Variants in CPE observed in about 807,000 individuals in gnomAD.
CPE encodes the protein carboxypeptidase E.
A neutral mutation model predicts 53.5 loss-of-function variants in CPE; 17 were observed. That is an observed-to-expected ratio of 0.32 (90% CI 0.22 to 0.48). The LOEUF (loss-of-function observed/expected upper bound fraction) is 0.48. Ranked by LOEUF, CPE falls within the 20% of genes least tolerant of loss-of-function variation. The pLI is 0.99. For synonymous variants in CPE, 226 were observed against 228.8 expected (o/e 0.99, Z 0.11); for missense variants, 524 against 614.7 (o/e 0.85, Z 1.56).
chr4:165,497,455 C>A, intron 8 of CPE, 57 bp from the exon 9 acceptor site: 1 of 996,354 alleles, frequency 1.0e-6, no homozygotes. Context: ...TTTTTTATTT[C>A]AATTTAAAAA....
At chr4:165,494,066 A>G (rs1237282298) in intron 7 of CPE, among the ~76,000 whole-genome samples, 2 of 152,018 alleles carry the variant, frequency 1.3e-5, no homozygotes, top group African/African-American at 2.4e-5. Context: ...TAACCTTCAC[A>G]TTTATAGCTT....
rs145064291 is a variant in CPE at position 165,402,762 on chromosome 4, A to C, written c.307+23234A>C. Among the ~76,000 whole-genome samples the C allele has an allele frequency of 6.6e-5, 10 of 152,372 alleles. No homozygotes were observed. The East Asian group carries it at 1.9e-3, about 29-fold the overall frequency. On this transcript the variant is annotated intron_variant, in intron 1 of 8. Coordinates refer to ENST00000402744, the MANE Select transcript of CPE (RefSeq NM_001873.4). Reference sequence around the variant, plus strand: ...TACTCAGTCTCCGGTATTTCTTTATAGTAATTCAAGAATGGCCTAATGCAC... The same window carrying C: ...TACTCAGTCTCCGGTATTTCTTTATCGTAATTCAAGAATGGCCTAATGCAC...
At chr4:165,466,091 T>A (rs1173123628) in intron 2 of CPE, among the ~76,000 whole-genome samples, 1 of 152,142 alleles carries the variant, frequency 6.6e-6, no homozygotes, top group Admixed American at 6.6e-5. Flanking sequence ...CAATGTTGGG[T>A]GATTTTGTCA....
chr4:165,397,697 C>T (rs536678977), intron 1 of CPE, among the ~76,000 whole-genome samples: 2 of 152,086 alleles, frequency 1.3e-5, no homozygotes, highest in East Asian at 3.9e-4. Flanking sequence ...GGATTATCTC[C>T]CTTTTATAGG....
intron 5 of CPE, among the ~76,000 whole-genome samples, chr4:165,485,451 T>C (rs182954801): frequency 2.0e-5 from 3 of 152,320 alleles, no homozygotes; most frequent in Admixed American, 2.0e-4. Flanking sequence ...ATATTCTTTC[T>C]GATTTTTTTC....
rs972587357 is a variant in CPE at position 165,474,806 on chromosome 4, A to G, written c.672+6951A>G. Among the ~76,000 whole-genome samples the G allele has an allele frequency of 7.9e-5, 12 of 152,300 alleles. No individual in the cohort carries two copies. The East Asian group carries it at 9.7e-4, about 12-fold the overall frequency. ...TGGGCTGGCCTATGTCCTTGTCTCC[A>G]TGACATTATGGTGACTCTCACTCAG... On this transcript the variant is annotated intron_variant, in intron 3 of 8. Transcript: ENST00000402744.
At chr4:165,407,858 A>G (rs1309200054) in intron 1 of CPE, among the ~76,000 whole-genome samples, 2 of 134,874 alleles carry the variant, frequency 1.5e-5, no homozygotes, top group Non-Finnish European at 3.2e-5. Flanking sequence ...GCCCGACCCA[A>G]CTTTTTTTTT....
intron 7 of CPE, 44 bp from the exon 8 acceptor site, chr4:165,495,515 C>A: frequency 7.7e-7 from 1 of 1,298,554 alleles, no homozygotes; most frequent in Non-Finnish European, 1.1e-6. Flanking sequence ...TGTAATTCTG[C>A]ATATTTCATG....
chr4:165,404,020 G>A (rs1305875616), intron 1 of CPE: 2 of 798,782 alleles, frequency 2.5e-6, no homozygotes, highest in Admixed American at 1.8e-5. Context: ...CAGCACTGCC[G>A]GCAGCTGGGG....
At chr4:165,470,881 T>C (rs1026219031) in intron 3 of CPE, among the ~76,000 whole-genome samples, 4 of 151,978 alleles carry the variant, frequency 2.6e-5, no homozygotes, top group African/African-American at 7.3e-5. Context: ...CATGGGTTGG[T>C]AAAAACAGTA....
intron 3 of CPE, among the ~76,000 whole-genome samples, chr4:165,476,665 C>T (rs998685222): frequency 1.3e-5 from 2 of 152,136 alleles, no homozygotes; most frequent in Non-Finnish European, 2.9e-5. Context: ...CCGCCCATCA[C>T]CTAATGTTTG....
At chr4:165,448,407 T>C (rs1340424296) in intron 1 of CPE, among the ~76,000 whole-genome samples, 1 of 152,176 alleles carries the variant, frequency 6.6e-6, no homozygotes, top group Non-Finnish European at 1.5e-5. Context: ...GAGGCTCAGA[T>C]TGGCAGTCAA....
At chr4:165,473,804 G>C (rs1278912215) in intron 3 of CPE, among the ~76,000 whole-genome samples, 1 of 152,240 alleles carries the variant, frequency 6.6e-6, no homozygotes, top group Non-Finnish European at 1.5e-5. Flanking sequence ...AGAGTAGGCA[G>C]CTCTTAAATC....
At chr4:165,406,884 G>A (rs781350476) in intron 1 of CPE, among the ~76,000 whole-genome samples, 7 of 152,126 alleles carry the variant, frequency 4.6e-5, no homozygotes, top group Admixed American at 6.5e-5. Flanking sequence ...TTTTGTGGCC[G>A]ACTCCTTTAA....
At chr4:165,463,739 G>C (rs1236125009) in intron 1 of CPE, among the ~76,000 whole-genome samples, 2 of 152,216 alleles carry the variant, frequency 1.3e-5, no homozygotes, top group Non-Finnish European at 2.9e-5. Flanking sequence ...TAGATGTTTG[G>C]TCAGGATTAA....
rs1225701736 is a variant in CPE at position 165,482,243 on chromosome 4, T to G, written c.674T>G (p.Leu225Arg). The G allele has an allele frequency of 6.2e-7, 1 of 1,600,588 alleles. No homozygotes were observed. Among genetic ancestry groups the G allele is most frequent in the Non-Finnish European group, 8.6e-7 (1 of 1,168,210 alleles). Residue 225 changes from leucine to arginine, a missense_variant and splice_region_variant, in exon 4 of 9, where the codon CTT becomes CGT. Physicochemically the swap from Leu to Arg is moderately radical, Grantham distance 102. Coordinates refer to ENST00000402744, the MANE Select transcript of CPE (RefSeq NM_001873.4). ...MKKIVDQNTK[L>R]APETKAVIHW... ...CCTTTTAATCTCTCATCTGAACAGC[T>G]TGCTCCTGAGACCAAGGCTGTCATT...
intron 1 of CPE, among the ~76,000 whole-genome samples, chr4:165,461,166 C>CAAAAAAAAAAAAAAAAAAAA (rs1173022270): frequency 1.8e-3 from 78 of 44,174 alleles, no homozygotes; most frequent in African/African-American, 1.9e-3. Flanking sequence ...GCCTCTGCCT[C>CAAAAAAAAAAAAAAAAAAAA]AAAAAAAAAA....
intron 1 of CPE, among the ~76,000 whole-genome samples, chr4:165,400,155 T>C (rs1431134883): frequency 1.3e-5 from 2 of 152,162 alleles, no homozygotes; most frequent in Non-Finnish European, 1.5e-5. Context: ...TTTTGACATA[T>C]TTAGGGAGGT....
At chr4:165,417,946 C>T (rs1019222797) in intron 1 of CPE, among the ~76,000 whole-genome samples, 2 of 152,058 alleles carry the variant, frequency 1.3e-5, no homozygotes, top group South Asian at 2.1e-4. Flanking sequence ...TGTGTGGGCA[C>T]ATTTCACTGA....
Sources: allele counts gnomAD v4.1 joint callset (sites outside exome capture counted in the v4.1 genomes callset), GRCh38; gene constraint gnomAD v4.1.1; transcripts MANE v1.5; gene names NCBI Gene and HGNC (gene_info 2026-07-23, HGNC 2026-07-21).